The following PDE11A variants were observed in gnomAD, a reference collection of about 807,000 sequenced individuals.
The protein encoded by PDE11A is phosphodiesterase 11A, also known as dual 3',5'-cyclic-AMP and -GMP phosphodiesterase 11A.
PDE11A carries 100 observed loss-of-function variants against 100.5 expected under a neutral mutation model. That is an observed-to-expected ratio of 1.00 (90% CI 0.85 to 1.18). The LOEUF (loss-of-function observed/expected upper bound fraction) is 1.18. Ranked by LOEUF, PDE11A falls within the 50% of genes most tolerant of loss-of-function variation. The probability of loss-of-function intolerance (pLI) is 0.00; values close to 1 mark genes in which losing one functional copy is unlikely to be tolerated. For missense variants in PDE11A, 1,141 were observed against 1,152.6 expected (o/e 0.99, Z 0.15); for synonymous variants, 381 against 420.8 (o/e 0.91, Z 1.16).
At chr2:177,774,294 G>C (rs1274137970) in intron 9 of PDE11A, among the ~76,000 whole-genome samples, 1 of 152,116 alleles carries the variant, frequency 6.6e-6, no homozygotes, top group East Asian at 1.9e-4. Flanking sequence ...ATCACCTATG[G>C]TCACTGGCCA....
At chr2:177,915,865 C>A (rs1371454771) in intron 2 of PDE11A, among the ~76,000 whole-genome samples, 1 of 152,172 alleles carries the variant, frequency 6.6e-6, no homozygotes, top group Non-Finnish European at 1.5e-5. Flanking sequence ...TGTTTCCCTT[C>A]ATTTGGTATT....
intron 5 of PDE11A, among the ~76,000 whole-genome samples, chr2:177,858,760 G>A (rs1181991416): frequency 6.6e-6 from 1 of 152,082 alleles, no homozygotes; most frequent in African/African-American, 2.4e-5. Context: ...ATACCCAAAG[G>A]ATTATAAAAC....
chr2:177,669,453 T>C, intron 18 of PDE11A, 40 bp downstream of exon 18: 2 of 851,858 alleles, frequency 2.3e-6, no homozygotes, highest in South Asian at 2.6e-5. Flanking sequence ...AAAATGTCAT[T>C]CAAAAGGGTA....
At chr2:178,082,912 C>T (rs919465574) in intron 2 of PDE11A, among the ~76,000 whole-genome samples, 9 of 152,038 alleles carry the variant, frequency 5.9e-5, no homozygotes, top group Non-Finnish European at 1.0e-4. Flanking sequence ...TGTAACAAGC[C>T]ATATCTGACC....
chr2:177,906,222 A>G (rs761073668), intron 2 of PDE11A, among the ~76,000 whole-genome samples: 4 of 152,050 alleles, frequency 2.6e-5, no homozygotes, highest in Non-Finnish European at 5.9e-5. Context: ...TGCCCTAGGA[A>G]GAGGTAACAA....
chr2:177,726,995 C>G (rs1297439775), intron 12 of PDE11A, among the ~76,000 whole-genome samples: 1 of 151,998 alleles, frequency 6.6e-6, no homozygotes, highest in Non-Finnish European at 1.5e-5. Flanking sequence ...TATTTCTTGC[C>G]AGAAGAAGTA....
intron 2 of PDE11A, among the ~76,000 whole-genome samples, chr2:177,967,403 G>T (rs983983892): frequency 7.2e-5 from 11 of 151,778 alleles, no homozygotes; most frequent in Admixed American, 7.2e-4. Context: ...TTGCCATGTT[G>T]TCCAGGCTGG....
In PDE11A at chr2:177,624,645, C is replaced by T. The variant is rs534826386; in HGVS notation, c.*4762G>A. ...AATACCTGGAAATGCATAGACATCTCAGATTTTAGAAACAAAATGCATGTG... is the reference window on the plus strand; with the variant it reads ...AATACCTGGAAATGCATAGACATCTTAGATTTTAGAAACAAAATGCATGTG... On this transcript the variant is annotated 3_prime_UTR_variant, in exon 20 of 20. Transcript: ENST00000286063. 1.3e-5 allele frequency: 2 copies of T among 152,342 alleles called. No individual in the cohort carries two copies. The highest frequency in any genetic ancestry group is 4.8e-5 in the African/African-American group (2 of 41,578). The allele number at this position is 152,342 out of a possible 1,614,324, so 9.4% of individuals were successfully genotyped here. A position where few individuals can be genotyped will look rare whatever the true frequency, so the allele number is the denominator to read the frequency against.
intron 10 of PDE11A, among the ~76,000 whole-genome samples, chr2:177,731,269 C>T (rs1461463278): frequency 6.6e-6 from 1 of 152,088 alleles, no homozygotes; most frequent in Non-Finnish European, 1.5e-5. Context: ...TTTTCCTTAG[C>T]GGCCTGATAA....
intron 2 of PDE11A, among the ~76,000 whole-genome samples, chr2:177,979,172 C>T (rs183894001): frequency 9.3e-5 from 14 of 150,006 alleles, no homozygotes; most frequent in African/African-American, 2.9e-4. Context: ...TTGGATGTGT[C>T]TATGGTTCAC....
intron 9 of PDE11A, among the ~76,000 whole-genome samples, chr2:177,771,289 C>T (rs182024111): frequency 4.6e-5 from 7 of 152,322 alleles, no homozygotes; most frequent in Admixed American, 2.0e-4. Flanking sequence ...TTTAATTAGC[C>T]ACAGAACTCC....
intron 19 of PDE11A, among the ~76,000 whole-genome samples, chr2:177,655,115 C>T (rs2080362216): frequency 6.6e-6 from 1 of 152,076 alleles, no homozygotes; most frequent in South Asian, 2.1e-4. Context: ...TTAAATCTGT[C>T]CTCAAAAACC....
intron 1 of PDE11A, among the ~76,000 whole-genome samples, chr2:178,053,465 G>A (rs951819148): frequency 6.6e-6 from 1 of 152,200 alleles, no homozygotes; most frequent in Non-Finnish European, 1.5e-5. Flanking sequence ...AGACAGGGAT[G>A]CCCTCTCTCA....
At chr2:177,679,786 G>A (rs1325281795) in intron 16 of PDE11A, among the ~76,000 whole-genome samples, 1 of 151,970 alleles carries the variant, frequency 6.6e-6, no homozygotes, top group Admixed American at 6.6e-5. Context: ...AACAGATTTT[G>A]AAAATGGAAG....
At chr2:177,884,726 TGAAAA>T (rs1490649869) in intron 4 of PDE11A, among the ~76,000 whole-genome samples, 2 of 152,222 alleles carry the variant, frequency 1.3e-5, no homozygotes, top group African/African-American at 4.8e-5. Context: ...AAGCAGTAAT[TGAAAA>T]GAAGAGTGCC....
At chr2:177,939,673 C>T (rs947009541) in intron 2 of PDE11A, among the ~76,000 whole-genome samples, 1 of 152,136 alleles carries the variant, frequency 6.6e-6, no homozygotes, top group African/African-American at 2.4e-5. Flanking sequence ...TACTGGAATG[C>T]AATCAGCAAA....
At chr2:177,957,632 A>G (rs1289045313) in intron 2 of PDE11A, among the ~76,000 whole-genome samples, 1 of 152,198 alleles carries the variant, frequency 6.6e-6, no homozygotes, top group Non-Finnish European at 1.5e-5. Flanking sequence ...GAGATAAGAG[A>G]TGGAGGCCCT....
Position 177,727,737 on chromosome 2 carries a change from C to T in PDE11A, c.1964G>A (p.Arg655Lys). 6.2e-7 allele frequency: 1 copy of T among 1,610,434 alleles called. No individual in the cohort carries two copies. Among genetic ancestry groups the T allele is most frequent in the South Asian group, 1.1e-5 (1 of 91,014 alleles). The change falls in exon 12 of 20, where the codon AGG becomes AAG. Residue 655 changes from arginine (R) to lysine (K), a missense_variant. Coordinates refer to ENST00000286063, the MANE Select transcript of PDE11A (RefSeq NM_016953.4). ...GTATAGAACCATCCGATAGTTTTTC[C>T]TCACTGTCAAAAGCCACCTACACAG... is the stretch of plus-strand genomic sequence containing the variant. ...ETLCRWLLTVRKNYRMVLYHN... is the reference protein window; with the variant it reads ...ETLCRWLLTVKKNYRMVLYHN...
intron 6 of PDE11A, among the ~76,000 whole-genome samples, chr2:177,824,589 C>T (rs575989582): frequency 6.6e-6 from 1 of 152,254 alleles, no homozygotes; most frequent in Admixed American, 6.5e-5. Flanking sequence ...TACTCTTTGA[C>T]CTATCAATTT....
Sources: gnomAD v4.1 joint callset for allele counts (sites outside exome capture counted in the v4.1 genomes callset) on GRCh38, gnomAD v4.1.1 for gene constraint, MANE v1.5 for transcripts, NCBI Gene and HGNC (gene_info 2026-07-23, HGNC 2026-07-21) for gene names.